Variants in WDR7 observed in about 807,000 individuals in gnomAD.
WDR7 encodes WD repeat domain 7.
In WDR7, 46 loss-of-function variants were observed where a neutral mutation model predicts 169.4. That is an observed-to-expected ratio of 0.27 (90% confidence interval 0.21 to 0.35). The LOEUF (loss-of-function observed/expected upper bound fraction) is 0.35. Among genes scored for constraint, WDR7 ranks in the 10% least tolerant of loss-of-function variants. WDR7 has a pLI of 1.00. For missense variants in WDR7, 1,534 were observed against 1,859.3 expected, an observed-to-expected ratio of 0.83 and a Z score of 3.22; for synonymous variants, 612 against 666.8, an observed-to-expected ratio of 0.92 and a Z score of 1.27.
intron 26 of WDR7, among the ~76,000 whole-genome samples, chr18:57,008,704 G>A (rs765661457): frequency 2.6e-5 from 4 of 152,066 alleles, no homozygotes; most frequent in Admixed American, 2.0e-4. Flanking sequence ...CTGTCTCCTC[G>A]TCTGTGTTTC....
chr18:56,838,186 G>A (rs1054176860), intron 20 of WDR7, among the ~76,000 whole-genome samples: 1 of 151,952 alleles, frequency 6.6e-6, no homozygotes, highest in Non-Finnish European at 1.5e-5. Context: ...GCTAACATTT[G>A]TGTGTCATTG....
In WDR7 at chr18:56,739,525, ACT is replaced by A. The variant is rs1394279086; in HGVS notation, c.1989+7931_1989+7932del. The stretch of plus-strand genomic sequence containing the variant: ...TATTATTTAATATTCTTATATTTAA[ACT>A]CTGTTCTTTTTGTACTTTACATTTT... On this transcript the variant is annotated intron_variant, in intron 14 of 27. Transcript: ENST00000254442. Among the ~76,000 whole-genome samples the A allele has an allele frequency of 3.3e-5, 5 of 151,374 alleles. No individual in the cohort carries two copies. In the East Asian group the frequency reaches 9.7e-4, roughly 29 times the overall value.
chr18:56,987,298 A>AG, intron 26 of WDR7, among the ~76,000 whole-genome samples: 1 of 151,224 alleles, frequency 6.6e-6, no homozygotes, highest in Admixed American at 6.6e-5. Flanking sequence ...AAAAAAAAAA[A>AG]AAAAAAAAAA....
At chr18:57,022,240 C>T (rs4335841) in intron 27 of WDR7, among the ~76,000 whole-genome samples, 50,629 of 152,166 alleles carry the variant, frequency 0.33, 9,203 homozygotes, top group East Asian at 0.8. Context: ...GGGTCCCCCC[C>T]GCCGCCACTC....
chr18:56,921,378 T>C (rs2046717472), intron 21 of WDR7, among the ~76,000 whole-genome samples: 1 of 152,246 alleles, frequency 6.6e-6, no homozygotes, highest in African/African-American at 2.4e-5. Flanking sequence ...TCACATGGCC[T>C]GCCAGAGCTG....
chr18:56,714,865 A>G (rs1568153773), intron 12 of WDR7, among the ~76,000 whole-genome samples: 1 of 151,846 alleles, frequency 6.6e-6, no homozygotes. Flanking sequence ...AAAAGCTAGA[A>G]TCTTGGTGTT....
At chr18:56,798,919 T>C (rs1403774549) in intron 19 of WDR7, among the ~76,000 whole-genome samples, 1 of 152,248 alleles carries the variant, frequency 6.6e-6, no homozygotes, top group Non-Finnish European at 1.5e-5. Context: ...GTAAATGTCC[T>C]GATCAATGTA....
chr18:56,671,567 G>A (rs763290614), intron 1 of WDR7, among the ~76,000 whole-genome samples: 3 of 152,138 alleles, frequency 2.0e-5, no homozygotes, highest in Non-Finnish European at 4.4e-5. Flanking sequence ...CACTGCGCCC[G>A]GCCCTGAACA....
chr18:56,787,209 G>C (rs1390293948), intron 19 of WDR7, among the ~76,000 whole-genome samples: 1 of 152,082 alleles, frequency 6.6e-6, no homozygotes, highest in Non-Finnish European at 1.5e-5. Flanking sequence ...TGATGACTCT[G>C]AGGCAAATGC....
Position 56,757,315 on chromosome 18 carries a change from A to G in WDR7, c.2722A>G (p.Thr908Ala). ...TACTTTAATGAGTATGACCAATGCA[A>G]CTTTTATTGGTGATCATATGAAGAA... Reference protein sequence around the residue: ...ANTLMSMTNATFIGDHMKKGP... With the variant: ...ANTLMSMTNAAFIGDHMKKGP... Residue 908 changes from threonine to alanine, a missense_variant, in exon 15 of 28, where the codon ACT becomes GCT. Physicochemically the swap from Thr to Ala is moderately conservative, Grantham distance 58. Transcript: ENST00000254442. The G allele has an allele frequency of 6.2e-7, 1 of 1,612,600 alleles. No individual in the cohort carries two copies. Among genetic ancestry groups the G allele is most frequent in the Non-Finnish European group, 8.5e-7 (1 of 1,178,846 alleles).
intron 26 of WDR7, among the ~76,000 whole-genome samples, chr18:56,973,177 T>C (rs572812937): frequency 8.5e-5 from 13 of 152,310 alleles, no homozygotes; most frequent in African/African-American, 2.4e-4. Context: ...CGCCCGGCCA[T>C]GGGTACTTCT....
At chr18:56,824,754 G>A (rs545295934) in intron 20 of WDR7, among the ~76,000 whole-genome samples, 4 of 152,262 alleles carry the variant, frequency 2.6e-5, no homozygotes, top group Admixed American at 2.0e-4. Context: ...TAGCTCTACC[G>A]AGTTAGTCAC....
At chr18:56,962,151 A>G (rs1456921427) in intron 25 of WDR7, among the ~76,000 whole-genome samples, 1 of 151,898 alleles carries the variant, frequency 6.6e-6, no homozygotes, top group East Asian at 1.9e-4. Flanking sequence ...TCTTGTTTCA[A>G]AAATTCAAGG....
intron 20 of WDR7, among the ~76,000 whole-genome samples, chr18:56,876,465 A>G (rs761231479): frequency 2.0e-5 from 3 of 152,238 alleles, no homozygotes; most frequent in Non-Finnish European, 2.9e-5. Flanking sequence ...TCTGTGGACC[A>G]GTAATGAAAT....
In WDR7 at chr18:56,784,264, A is replaced by G. The variant is rs147187091; in HGVS notation, c.3190+2608A>G. Among the ~76,000 whole-genome samples, 70 of 152,204 alleles carry G rather than the reference A, an allele frequency of 4.6e-4. 1 individual carries two copies. The highest frequency in any genetic ancestry group is 1.7e-3 in the African/African-American group (70 of 41,542). ...TATTTATTCCTTTTTTTAAAAAATT[A>G]TTTTTTATTTCAATAGCTTTTGGTG... is the stretch of plus-strand genomic sequence containing the variant. On this transcript the variant is annotated intron_variant, in intron 19 of 27. Coordinates refer to ENST00000254442, the MANE Select transcript of WDR7 (RefSeq NM_015285.3).
intron 1 of WDR7, among the ~76,000 whole-genome samples, chr18:56,652,925 T>G (rs2024686107): frequency 6.6e-6 from 1 of 152,310 alleles, no homozygotes; most frequent in South Asian, 2.1e-4. Context: ...CCCTTGTATC[T>G]TACAGTTTCC....
intron 26 of WDR7, among the ~76,000 whole-genome samples, chr18:56,994,016 CTTTTTTT>C (rs35579782): frequency 7.7e-6 from 1 of 129,204 alleles, no homozygotes; most frequent in African/African-American, 3.0e-5. Context: ...CTTTTTTTTT[CTTTTTTT>C]TTTTTTTTCT....
chr18:56,733,615 G>T (rs1355543108), intron 14 of WDR7, among the ~76,000 whole-genome samples: 1 of 152,088 alleles, frequency 6.6e-6, no homozygotes, highest in East Asian at 1.9e-4. Flanking sequence ...ATTTTATTTT[G>T]CTAATTATGT....
Position 56,745,725 on chromosome 18 carries a change from C to T in WDR7, c.1990-10858C>T, listed in dbSNP as rs1204503956. Among the ~76,000 whole-genome samples the T allele has an allele frequency of 3.9e-5, 6 of 152,258 alleles. No homozygotes were observed. The East Asian group carries it at 1.2e-3, about 29-fold the overall frequency. ...GGGACCCTTGTTCTAGAAAATTAGTCACATGCTAATTTAAGTTTATAAATA... is the reference window on the plus strand; with the variant it reads ...GGGACCCTTGTTCTAGAAAATTAGTTACATGCTAATTTAAGTTTATAAATA... On this transcript the variant is annotated intron_variant, in intron 14 of 27. Transcript: ENST00000254442.
Sources: allele counts gnomAD v4.1 joint callset (sites outside exome capture counted in the v4.1 genomes callset), GRCh38; gene constraint gnomAD v4.1.1; transcripts MANE v1.5; gene names NCBI Gene and HGNC (gene_info 2026-07-23, HGNC 2026-07-21).